Variants in ZNF385D observed in about 807,000 individuals in gnomAD.
The protein encoded by ZNF385D is zinc finger protein 659.
ZNF385D carries 15 observed loss-of-function variants against 35.8 expected under a neutral mutation model. The observed-to-expected ratio is 0.42, with a 90% CI of 0.28 to 0.64. The LOEUF is 0.64. ZNF385D is among the 30% of genes least tolerant of loss of function. The probability of loss-of-function intolerance (pLI) is 0.23; values close to 1 mark genes in which losing one functional copy is unlikely to be tolerated. For missense variants in ZNF385D, 474 were observed against 494.6 expected (o/e 0.96, Z 0.39); for synonymous variants, 212 against 186.8 (o/e 1.13, Z -1.10).
At chr3:22,113,370 T>C (rs758465615) in intron 3 of ZNF385D, among the ~76,000 whole-genome samples, 2 of 152,124 alleles carry the variant, frequency 1.3e-5, no homozygotes, top group African/African-American at 2.4e-5. Flanking sequence ...TCAACTATAC[T>C]ACCTTATATA....
intron 3 of ZNF385D, among the ~76,000 whole-genome samples, chr3:21,547,007 C>T (rs2125583910): frequency 6.6e-6 from 1 of 152,164 alleles, no homozygotes; most frequent in East Asian, 1.9e-4. Context: ...GACACTTGCT[C>T]CCCTCTTTCT....
chr3:21,941,411 G>C (rs1253162154), intron 3 of ZNF385D, among the ~76,000 whole-genome samples: 1 of 151,094 alleles, frequency 6.6e-6, no homozygotes, highest in Non-Finnish European at 1.5e-5. Context: ...TGAAATAAGT[G>C]AAGCAAACAA....
At chr3:21,903,299 G>T (rs1489755582) in intron 3 of ZNF385D, among the ~76,000 whole-genome samples, 1 of 152,266 alleles carries the variant, frequency 6.6e-6, no homozygotes, top group East Asian at 1.9e-4. Flanking sequence ...AGAATTAGAT[G>T]AGTATGAGGA....
intron 3 of ZNF385D, among the ~76,000 whole-genome samples, chr3:22,078,354 A>G (rs1302262461): frequency 6.6e-6 from 1 of 152,062 alleles, no homozygotes; most frequent in African/African-American, 2.4e-5. Flanking sequence ...TTTGGTGATC[A>G]TAACAGATAA....
chr3:22,287,110 CTTTA>C (rs1444971036), intron 2 of ZNF385D, among the ~76,000 whole-genome samples: 1 of 152,012 alleles, frequency 6.6e-6, no homozygotes, highest in Non-Finnish European at 1.5e-5. Context: ...GAAGTAACCA[CTTTA>C]TTATTATATA....
At chr3:21,425,411 A>G (rs760369570) in intron 6 of ZNF385D, 81 bp downstream of exon 6, 3 of 1,395,076 alleles carry the variant, frequency 2.2e-6, no homozygotes, top group Non-Finnish European at 2.9e-6. Context: ...AAAGACAGAA[A>G]TAAAAAGGAA....
At chr3:22,140,893 T>C (rs1576389779) in intron 3 of ZNF385D, among the ~76,000 whole-genome samples, 1 of 152,200 alleles carries the variant, frequency 6.6e-6, no homozygotes, top group African/African-American at 2.4e-5. Context: ...GACAATACAA[T>C]ACCCTACTTT....
chr3:22,247,488 G>A (rs1288243848), intron 2 of ZNF385D, among the ~76,000 whole-genome samples: 1 of 151,904 alleles, frequency 6.6e-6, no homozygotes, highest in Non-Finnish European at 1.5e-5. Context: ...ATATTTTGAT[G>A]AAGATATGTT....
intron 4 of ZNF385D, among the ~76,000 whole-genome samples, chr3:21,479,322 C>A (rs1026286876): frequency 9.9e-5 from 15 of 151,726 alleles, no homozygotes; most frequent in African/African-American, 3.4e-4. Flanking sequence ...AGAACTGATC[C>A]ATAATTTAGC....
At chr3:22,083,090 A>T (rs560381269) in intron 3 of ZNF385D, among the ~76,000 whole-genome samples, 1 of 152,292 alleles carries the variant, frequency 6.6e-6, no homozygotes, top group East Asian at 1.9e-4. Flanking sequence ...ATCATCAAAG[A>T]CCAAAGGTAG....
chr3:22,261,004 A>G (rs1021788881), intron 2 of ZNF385D, among the ~76,000 whole-genome samples: 1 of 152,048 alleles, frequency 6.6e-6, no homozygotes, highest in African/African-American at 2.4e-5. Context: ...GCATTTTAAT[A>G]TTACTTAAAT....
chr3:21,700,138 C>G (rs1166130857), intron 1 of ZNF385D, among the ~76,000 whole-genome samples: 2 of 152,072 alleles, frequency 1.3e-5, no homozygotes, highest in African/African-American at 4.8e-5. Flanking sequence ...TCTCAGCCCC[C>G]TATGTTATGT....
chr3:21,874,882 G>C (rs1697882363), intron 3 of ZNF385D, among the ~76,000 whole-genome samples: 1 of 150,036 alleles, frequency 6.7e-6, no homozygotes, highest in South Asian at 2.1e-4. Context: ...ATTTCCACTT[G>C]TTTGTTTGTT....
chr3:21,562,925 T>C (rs2063006718), intron 3 of ZNF385D, among the ~76,000 whole-genome samples: 1 of 152,190 alleles, frequency 6.6e-6, no homozygotes, highest in South Asian at 2.1e-4. Context: ...GTTCTATCCC[T>C]CAAAGTGCGC....
At chr3:22,071,159 T>G (rs1480294062) in intron 3 of ZNF385D, among the ~76,000 whole-genome samples, 1 of 152,296 alleles carries the variant, frequency 6.6e-6, no homozygotes, top group South Asian at 2.1e-4. Flanking sequence ...ATGCATATGT[T>G]TGCATTACAA....
At chr3:21,681,684 T>A (rs2066912017) in intron 1 of ZNF385D, among the ~76,000 whole-genome samples, 1 of 96,876 alleles carries the variant, frequency 1.0e-5, no homozygotes. Context: ...AGACTAAGAA[T>A]GATAAAAAAA....
chr3:21,590,189 G>A (rs945291998), intron 2 of ZNF385D, among the ~76,000 whole-genome samples: 2 of 152,108 alleles, frequency 1.3e-5, no homozygotes, highest in Admixed American at 1.3e-4. Flanking sequence ...GCAGCTAAAT[G>A]TGTCAACATG....
chr3:21,978,604 C>T (rs1280430886), intron 3 of ZNF385D, among the ~76,000 whole-genome samples: 1 of 152,100 alleles, frequency 6.6e-6, no homozygotes, highest in East Asian at 1.9e-4. Flanking sequence ...CAGACTAGGC[C>T]TGATATTAGT....
intron 3 of ZNF385D, among the ~76,000 whole-genome samples, chr3:21,886,820 T>C (rs1332747509): frequency 6.6e-6 from 1 of 152,156 alleles, no homozygotes; most frequent in East Asian, 1.9e-4. Flanking sequence ...TTTTAAATAG[T>C]TCTCCCTACC....
Sources: allele counts gnomAD v4.1 joint callset (sites outside exome capture counted in the v4.1 genomes callset), GRCh38; gene constraint gnomAD v4.1.1; transcripts MANE v1.5; gene names NCBI Gene and HGNC (gene_info 2026-07-23, HGNC 2026-07-21).